Variants in LARS2 observed in about 807,000 individuals in gnomAD.
The protein encoded by LARS2 is leucyl-tRNA synthetase 2, mitochondrial.
LARS2 carries 81 observed loss-of-function variants against 116.6 expected under a neutral mutation model. The observed-to-expected ratio is 0.69, with a 90% CI of 0.58 to 0.84. LARS2 has a LOEUF of 0.84. Among genes scored for constraint, LARS2 ranks in the 40% least tolerant of loss-of-function variants. The pLI, the probability that LARS2 is intolerant of heterozygous loss-of-function variation, is 0.00. For missense variants in LARS2, 968 were observed against 1,114.5 expected (o/e 0.87, Z 1.87); for synonymous variants, 396 against 407.2 (o/e 0.97, Z 0.33).
Position 45,513,222 on chromosome 3 carries a change from A to G in LARS2, c.1848A>G (p.Glu616=). Residue 616 remains glutamate, a synonymous_variant, in exon 16 of 22, where the codon GAA becomes GAG. Transcript: ENST00000645846. The part of the protein sequence containing the change: ...LPSGQYLQRE[E]VDLTGSVPVH... ...CTGGACAGTATCTACAGAGAGAGGA[A>G]GTGGATCTCACAGGTAAGAATGGCC... The G allele has an allele frequency of 6.2e-7, 1 of 1,609,094 alleles. No homozygotes were observed. Among genetic ancestry groups the G allele is most frequent in the Non-Finnish European group, 8.5e-7 (1 of 1,175,354 alleles).
chr3:45,505,102 G>T (rs980730159), intron 15 of LARS2, among the ~76,000 whole-genome samples: 2 of 151,440 alleles, frequency 1.3e-5, no homozygotes, highest in South Asian at 2.1e-4. Context: ...AAAAAGCAAA[G>T]AAAAGAAAAA....
intron 9 of LARS2, among the ~76,000 whole-genome samples, 153 bp downstream of exon 9, chr3:45,474,503 G>A (rs1308742968): frequency 2.0e-5 from 3 of 152,150 alleles, no homozygotes; most frequent in African/African-American, 4.8e-5. Context: ...TTTTAAAAGT[G>A]CAAAGAACAG....
chr3:45,439,210 CTTTTTTTTTTTTTT>C (rs575140221), intron 6 of LARS2, among the ~76,000 whole-genome samples: 1,606 of 62,510 alleles, frequency 0.026, 42 homozygotes, highest in Admixed American at 0.037. Context: ...GAAACTCTGG[CTTTTTTTTTTTTTT>C]TTTTTTTTTT....
chr3:45,500,319 A>T, intron 14 of LARS2, 123 bp from the exon 15 acceptor site: 1 of 1,046,744 alleles, frequency 9.6e-7, no homozygotes, highest in Non-Finnish European at 1.4e-6. Context: ...ATATTTTAAA[A>T]AAATCATTGT....
intron 20 of LARS2, among the ~76,000 whole-genome samples, chr3:45,537,052 G>A (rs1215253200): frequency 1.3e-5 from 2 of 152,100 alleles, no homozygotes; most frequent in Non-Finnish European, 1.5e-5. Flanking sequence ...GTGTGTGTGT[G>A]TGTCTTTGTC....
chr3:45,526,064 C>T (rs904318213), intron 20 of LARS2, among the ~76,000 whole-genome samples: 1 of 152,040 alleles, frequency 6.6e-6, no homozygotes, highest in Non-Finnish European at 1.5e-5. Context: ...AACGTAAAGA[C>T]GAAGGAGGTG....
chr3:45,398,645 T>C (rs1294977127), intron 3 of LARS2, among the ~76,000 whole-genome samples: 1 of 152,198 alleles, frequency 6.6e-6, no homozygotes, highest in African/African-American at 2.4e-5. Flanking sequence ...TGTCATGAGA[T>C]GATTTAAACT....
At chr3:45,541,704 TG>T in intron 20 of LARS2, 124 bp from the exon 21 acceptor site, 1 of 1,243,158 alleles carries the variant, frequency 8.0e-7, no homozygotes, top group Non-Finnish European at 1.1e-6. Flanking sequence ...AGCCATGGTC[TG>T]GCTTCCCACC....
At chr3:45,500,787 T>A (rs571757430) in intron 15 of LARS2, among the ~76,000 whole-genome samples, 1 of 152,222 alleles carries the variant, frequency 6.6e-6, no homozygotes, top group Non-Finnish European at 1.5e-5. Context: ...GCATAGAACC[T>A]AGCCTTCAGT....
chr3:45,423,556 A>G (rs1208702246), intron 6 of LARS2, among the ~76,000 whole-genome samples: 1 of 152,060 alleles, frequency 6.6e-6, no homozygotes, highest in Non-Finnish European at 1.5e-5. Context: ...CAAGTGATCC[A>G]CTGTGCCTGG....
chr3:45,453,100 A>G (rs974948789), intron 7 of LARS2, among the ~76,000 whole-genome samples: 2 of 152,016 alleles, frequency 1.3e-5, no homozygotes, highest in African/African-American at 2.4e-5. Context: ...TGAATTTTCA[A>G]AAACCAAGTT....
chr3:45,433,903 C>T (rs925690208), intron 6 of LARS2, among the ~76,000 whole-genome samples: 2 of 152,126 alleles, frequency 1.3e-5, no homozygotes, highest in Non-Finnish European at 2.9e-5. Flanking sequence ...TCTTTTAGTA[C>T]TTGAAAAATG....
chr3:45,395,184 C>T (rs1698024322), intron 3 of LARS2, among the ~76,000 whole-genome samples: 1 of 152,192 alleles, frequency 6.6e-6, no homozygotes, highest in African/African-American at 2.4e-5. Flanking sequence ...AAGTAACTGC[C>T]CCTTCCCTGG....
intron 3 of LARS2, among the ~76,000 whole-genome samples, chr3:45,398,557 C>T (rs960325489): frequency 6.6e-6 from 1 of 152,184 alleles, no homozygotes; most frequent in Non-Finnish European, 1.5e-5. Context: ...GAAGTTCTGA[C>T]CCTTAGTGAC....
chr3:45,394,257 A>G (rs571066009), intron 2 of LARS2, among the ~76,000 whole-genome samples, 176 bp from the exon 3 acceptor site: 3 of 152,348 alleles, frequency 2.0e-5, no homozygotes, highest in East Asian at 3.9e-4. Context: ...TATATTTTCT[A>G]TTAAAAAGTT....
chr3:45,407,421 C>A (rs940367078), intron 4 of LARS2, among the ~76,000 whole-genome samples: 8 of 152,308 alleles, frequency 5.3e-5, no homozygotes, highest in African/African-American at 1.7e-4. Flanking sequence ...AACTGCTGGT[C>A]CAGTGCCTTG....
chr3:45,524,159 G>A (rs778375265), intron 20 of LARS2, 51 bp downstream of exon 20: 10 of 1,235,242 alleles, frequency 8.1e-6, no homozygotes, highest in Admixed American at 3.5e-5. Context: ...AGAATTTGTC[G>A]AAGCCTCTTT....
chr3:45,492,156 G>C (rs766620426), intron 13 of LARS2, among the ~76,000 whole-genome samples: 2 of 152,220 alleles, frequency 1.3e-5, no homozygotes, highest in African/African-American at 4.8e-5. Flanking sequence ...GTGGAGAGGG[G>C]AGAAAATGTT....
At chr3:45,399,740 C>G (rs576754107) in intron 3 of LARS2, among the ~76,000 whole-genome samples, 13 of 151,844 alleles carry the variant, frequency 8.6e-5, no homozygotes, top group African/African-American at 1.2e-4. Context: ...ACCCCTCACC[C>G]GAGCAGTATA....
Sources: allele counts gnomAD v4.1 joint callset (sites outside exome capture counted in the v4.1 genomes callset), GRCh38; gene constraint gnomAD v4.1.1; transcripts MANE v1.5; gene names NCBI Gene and HGNC (gene_info 2026-07-23, HGNC 2026-07-21).